The following ZSCAN5A variants were observed in gnomAD, a reference collection of about 807,000 sequenced individuals.
ZSCAN5A encodes the protein zinc finger and SCAN domain containing 5A, also known as zinc finger and SCAN domain-containing protein 5A.
In ZSCAN5A, 12 loss-of-function variants were observed where a neutral mutation model predicts 23.7. That is an observed-to-expected ratio of 0.51 (90% CI 0.32 to 0.82). The LOEUF (loss-of-function observed/expected upper bound fraction) is 0.82, where lower values mean the gene tolerates loss of function less well. Among genes scored for constraint, ZSCAN5A ranks in the 40% least tolerant of loss-of-function variants. ZSCAN5A has a pLI of 0.03. For synonymous variants in ZSCAN5A, 257 were observed against 239.9 expected (o/e 1.07, Z -0.66); for missense variants, 597 against 617.9 (o/e 0.97, Z 0.36).
chr19:56,241,291 C>A (rs2035406311), intron 2 of ZSCAN5A, among the ~76,000 whole-genome samples: 1 of 152,062 alleles, frequency 6.6e-6, no homozygotes. Context: ...CAGGATCTCA[C>A]TATGTTGCCC....
At chr19:56,237,690 C>A (rs1032340687) in intron 2 of ZSCAN5A, among the ~76,000 whole-genome samples, 1 of 151,914 alleles carries the variant, frequency 6.6e-6, no homozygotes, top group Non-Finnish European at 1.5e-5. Flanking sequence ...GAAGCTGAGA[C>A]GGGCGGATCG....
chr19:56,238,145 TACACACATAC>T (rs1341970436), intron 2 of ZSCAN5A, among the ~76,000 whole-genome samples: 1 of 85,674 alleles, frequency 1.2e-5, no homozygotes, highest in African/African-American at 4.2e-5. Context: ...CACATGGACA[TACACACATAC>T]GCACACATAC....
intron 2 of ZSCAN5A, among the ~76,000 whole-genome samples, chr19:56,230,038 C>T (rs1298342747): frequency 2.0e-5 from 3 of 152,074 alleles, no homozygotes; most frequent in African/African-American, 4.8e-5. Context: ...AGAGACAATT[C>T]GACTTCCTCC....
intron 2 of ZSCAN5A, chr19:56,321,185 A>G: frequency 1.5e-6 from 1 of 659,706 alleles, no homozygotes; most frequent in East Asian, 3.2e-5. Flanking sequence ...TACGTGCTTC[A>G]TTCAAAATGA....
chr19:56,269,911 A>G (rs748389496), intron 2 of ZSCAN5A, among the ~76,000 whole-genome samples: 2 of 152,200 alleles, frequency 1.3e-5, no homozygotes, highest in African/African-American at 2.4e-5. Flanking sequence ...TAATAAATCT[A>G]TGTCGTCTTA....
upstream of ZSCAN5A, chr19:56,315,138 C>T (rs979311792): frequency 6.6e-6 from 1 of 152,200 alleles, no homozygotes; most frequent in Admixed American, 6.5e-5. Context: ...TCGCCGAGCC[C>T]TGTAGTTTAG....
At chr19:56,322,094 GGATATCAAATTCA>G (rs2041381915) in intron 2 of ZSCAN5A, 1 of 762,288 alleles carries the variant, frequency 1.3e-6, no homozygotes, top group Non-Finnish European at 2.4e-6. Flanking sequence ...CCCATAACAA[GGATATCAAATTCA>G]GATATATTTT....
Position 56,221,519 on chromosome 19 carries a change from A to C in ZSCAN5A, c.*56T>G, listed in dbSNP as rs1388069954. On this transcript the variant is annotated 3_prime_UTR_variant, in exon 6 of 6. Transcript: ENST00000683990. ...TGTCAAATGTCATCTGATAACATTG[A>C]TGAAAAATATCATTCACTTCTTCTT... The C allele has an allele frequency of 2.0e-6, 3 of 1,523,500 alleles. No homozygotes were observed. Among genetic ancestry groups the C allele is most frequent in the African/African-American group, 2.8e-5 (2 of 71,876 alleles). The allele number at this position is 1,523,500 out of a possible 1,614,324, so 94.4% of individuals were successfully genotyped here.
At chr19:56,353,333 T>C (rs2041679394) in intron 2 of ZSCAN5A, among the ~76,000 whole-genome samples, 1 of 152,210 alleles carries the variant, frequency 6.6e-6, no homozygotes, top group Non-Finnish European at 1.5e-5. Context: ...CAAGTGCATG[T>C]GTGCAGTGGT....
Position 56,221,857 on chromosome 19 carries a change from C to T in ZSCAN5A, c.1209G>A (p.Gln403=), listed in dbSNP as rs935576464. 3 of 1,614,054 alleles carry T rather than the reference C, an allele frequency of 1.9e-6. No individual in the cohort carries two copies. The highest frequency in any genetic ancestry group is 3.3e-5 in the Admixed American group (2 of 59,996). The change falls in exon 6 of 6, where the codon CAG becomes CAA. Residue 403 remains glutamine, a synonymous_variant. Transcript: ENST00000683990. ...AGGGCCTCTCGCCAGTGTGGGTTCGCTGGTGAAATTGGAGGCTAATAAGCT... is the reference window on the plus strand; with the variant it reads ...AGGGCCTCTCGCCAGTGTGGGTTCGTTGGTGAAATTGGAGGCTAATAAGCT... ...FMQLISLQFH[Q]RTHTGERPYT... is the part of the protein sequence containing the mutation.
chr19:56,303,525 G>T (rs1332276969), intron 2 of ZSCAN5A, among the ~76,000 whole-genome samples: 1 of 150,940 alleles, frequency 6.6e-6, no homozygotes, highest in Admixed American at 6.6e-5. Flanking sequence ...AGGGAGGGAG[G>T]GAGGGAGGCA....
intron 2 of ZSCAN5A, among the ~76,000 whole-genome samples, chr19:56,230,119 A>G (rs908470776): frequency 2.4e-4 from 37 of 152,014 alleles, no homozygotes; most frequent in African/African-American, 8.9e-4. Context: ...TTATATTATT[A>G]TTATTATTTT....
intron 2 of ZSCAN5A, among the ~76,000 whole-genome samples, chr19:56,311,384 G>A (rs2041025882): frequency 6.6e-6 from 1 of 152,104 alleles, no homozygotes; most frequent in Non-Finnish European, 1.5e-5. Flanking sequence ...TATGTTAAAT[G>A]TAATTGCATT....
intron 1 of ZSCAN5A, among the ~76,000 whole-genome samples, chr19:56,365,298 A>G (rs2041757654): frequency 6.6e-6 from 1 of 152,252 alleles, no homozygotes; most frequent in Admixed American, 6.5e-5. Context: ...CCTATGGTAC[A>G]TACTGGATTC....
intron 2 of ZSCAN5A, among the ~76,000 whole-genome samples, chr19:56,298,442 C>T (rs1207944131): frequency 2.0e-5 from 3 of 152,030 alleles, no homozygotes; most frequent in South Asian, 4.2e-4. Context: ...TTGAGACCAT[C>T]CCACCCAACA....
intron 2 of ZSCAN5A, among the ~76,000 whole-genome samples, chr19:56,307,618 C>T (rs182189798): frequency 4.9e-4 from 74 of 152,142 alleles, no homozygotes; most frequent in Admixed American, 2.9e-3. Flanking sequence ...ATTGTTCATA[C>T]GGAGAAAAAT....
chr19:56,282,139 C>T (rs1345075076), intron 2 of ZSCAN5A, among the ~76,000 whole-genome samples: 2 of 152,050 alleles, frequency 1.3e-5, no homozygotes, highest in Non-Finnish European at 2.9e-5. Context: ...CTTCCTTTCC[C>T]AGAATTAACA....
intron 2 of ZSCAN5A, among the ~76,000 whole-genome samples, chr19:56,239,895 G>A (rs2035276212): frequency 6.6e-6 from 1 of 152,134 alleles, no homozygotes. Flanking sequence ...CAGGTGTGGT[G>A]GCTCACGCCT....
At chr19:56,251,349 CT>C (rs1262829099) in intron 2 of ZSCAN5A, among the ~76,000 whole-genome samples, 1 of 152,030 alleles carries the variant, frequency 6.6e-6, no homozygotes, top group Non-Finnish European at 1.5e-5. Flanking sequence ...TAGTTTTGGA[CT>C]TTTGGCCTTT....
Sources: allele counts gnomAD v4.1 joint callset (sites outside exome capture counted in the v4.1 genomes callset), GRCh38; gene constraint gnomAD v4.1.1; transcripts MANE v1.5; gene names NCBI Gene and HGNC (gene_info 2026-07-23, HGNC 2026-07-21).